Variants in AMD1 observed in about 807,000 individuals in gnomAD.
The protein encoded by AMD1 is adenosylmethionine decarboxylase 1.
In AMD1, 11 loss-of-function variants were observed where a neutral mutation model predicts 40.2. The observed-to-expected ratio is 0.27, with a 90% CI of 0.17 to 0.45. The LOEUF (loss-of-function observed/expected upper bound fraction) is 0.45, where lower values mean the gene tolerates loss of function less well. Among genes scored for constraint, AMD1 ranks in the 20% least tolerant of loss-of-function variants. AMD1 has a pLI of 1.00. For missense variants in AMD1, 257 were observed against 410.2 expected (o/e 0.63, Z 3.23); for synonymous variants, 121 against 130.8 (o/e 0.93, Z 0.51).
chr6:110,854,872 T>C, the AMD1 span, among the ~76,000 whole-genome samples: 2 of 152,186 alleles, frequency 1.3e-5, no homozygotes, highest in African/African-American at 2.4e-5. Flanking sequence ...ATTTTTTGCT[T>C]TCTTATTACA....
chr6:110,869,286 G>A, the AMD1 span, among the ~76,000 whole-genome samples: 1 of 150,820 alleles, frequency 6.6e-6, no homozygotes, highest in African/African-American at 2.4e-5. Context: ...GCCCGCCACC[G>A]CGCCCGGCTA....
chr6:110,850,720 C>T, the AMD1 span, among the ~76,000 whole-genome samples: 2 of 152,126 alleles, frequency 1.3e-5, no homozygotes, highest in Non-Finnish European at 2.9e-5. Context: ...CAATACAAGG[C>T]TTTGACTAGA....
chr6:110,825,740 G>C, the AMD1 span, among the ~76,000 whole-genome samples: 1 of 152,162 alleles, frequency 6.6e-6, no homozygotes, highest in African/African-American at 2.4e-5. Context: ...TTGATTAAAA[G>C]TCTGAGAACA....
chr6:110,870,699 GTTCCT>G (rs150059772), upstream of AMD1, among the ~76,000 whole-genome samples: 1,745 of 152,260 alleles, frequency 0.011, 32 homozygotes, highest in African/African-American at 0.04. Context: ...AGTGGTTTTT[GTTCCT>G]TTCTTTTTTT....
the AMD1 span, among the ~76,000 whole-genome samples, chr6:110,820,053 C>T: frequency 1.3e-4 from 20 of 152,228 alleles, no homozygotes; most frequent in African/African-American, 4.8e-4. Flanking sequence ...CATGTCTTTC[C>T]CAGAAAACTT....
intron 1 of AMD1, among the ~76,000 whole-genome samples, chr6:110,879,348 TCAA>T (rs768543080): frequency 2.0e-5 from 3 of 152,144 alleles, no homozygotes; most frequent in Non-Finnish European, 2.9e-5. Flanking sequence ...TGAAACCCTC[TCAA>T]CAACAACGAA....
chr6:110,828,252 G>A, the AMD1 span, among the ~76,000 whole-genome samples: 23,980 of 152,046 alleles, frequency 0.16, 2,094 homozygotes, highest in East Asian at 0.31. Context: ...CCAACATGGC[G>A]AAACCCCGTC....
chr6:110,833,909 A>T, the AMD1 span, among the ~76,000 whole-genome samples: 5 of 152,172 alleles, frequency 3.3e-5, no homozygotes, highest in Admixed American at 1.3e-4. Context: ...GAACGTAAGA[A>T]CTCTTGCTTA....
the AMD1 span, among the ~76,000 whole-genome samples, chr6:110,839,221 A>T: frequency 1.6e-4 from 24 of 152,308 alleles, no homozygotes; most frequent in Non-Finnish European, 2.6e-4. Flanking sequence ...TTTATAAAAC[A>T]CTGTTTTCTA....
chr6:110,845,975 C>T, the AMD1 span, among the ~76,000 whole-genome samples: 4 of 152,218 alleles, frequency 2.6e-5, no homozygotes, highest in Admixed American at 6.5e-5. Context: ...GGCGTGATGG[C>T]TCACGCCTGT....
At chr6:110,818,532 ATATT>A in the AMD1 span, among the ~76,000 whole-genome samples, 3 of 146,420 alleles carry the variant, frequency 2.0e-5, no homozygotes, top group Non-Finnish European at 4.4e-5. Context: ...ATTTATATAT[ATATT>A]TATTTATTTA....
At chr6:110,833,676 C>T in the AMD1 span, among the ~76,000 whole-genome samples, 2 of 152,110 alleles carry the variant, frequency 1.3e-5, no homozygotes, top group Non-Finnish European at 2.9e-5. Flanking sequence ...AGACTAACTC[C>T]TCTTAAACTC....
chr6:110,824,109 C>T, the AMD1 span, among the ~76,000 whole-genome samples: 1 of 152,162 alleles, frequency 6.6e-6, no homozygotes, highest in African/African-American at 2.4e-5. Flanking sequence ...CAAAAAGACA[C>T]CTGCATGCCT....
chr6:110,831,164 G>A, the AMD1 span, among the ~76,000 whole-genome samples: 3 of 152,112 alleles, frequency 2.0e-5, no homozygotes, highest in Non-Finnish European at 4.4e-5. Context: ...TTATGGCCAG[G>A]TGCAGTGGTT....
the AMD1 span, among the ~76,000 whole-genome samples, chr6:110,830,445 A>T: frequency 2.6e-5 from 4 of 152,272 alleles, no homozygotes; most frequent in South Asian, 8.3e-4. Context: ...GAAGTACCAA[A>T]AGCATTCCTC....
the AMD1 span, among the ~76,000 whole-genome samples, chr6:110,821,754 T>A: frequency 6.6e-6 from 1 of 152,170 alleles, no homozygotes; most frequent in Non-Finnish European, 1.5e-5. Flanking sequence ...AAAATAAAAT[T>A]ATTTGAAATG....
the AMD1 span, among the ~76,000 whole-genome samples, chr6:110,821,936 C>T: frequency 2.6e-5 from 4 of 151,948 alleles, no homozygotes; most frequent in South Asian, 2.1e-4. Flanking sequence ...AAACCAAACC[C>T]GAAGCTAGCA....
At chr6:110,877,775 C>A (rs1463541960) in intron 1 of AMD1, among the ~76,000 whole-genome samples, 1 of 152,236 alleles carries the variant, frequency 6.6e-6, no homozygotes, top group Non-Finnish European at 1.5e-5. Flanking sequence ...GTGGCAGGAT[C>A]ATGGCTCACT....
chr6:110,856,039 C>G, the AMD1 span, among the ~76,000 whole-genome samples: 1 of 152,066 alleles, frequency 6.6e-6, no homozygotes, highest in Non-Finnish European at 1.5e-5. Context: ...ATGCTTACAC[C>G]ACTGCACTCC....
Sources: gnomAD v4.1 joint callset for allele counts (sites outside exome capture counted in the v4.1 genomes callset) on GRCh38, gnomAD v4.1.1 for gene constraint, MANE v1.5 for transcripts, NCBI Gene and HGNC (gene_info 2026-07-23, HGNC 2026-07-21) for gene names.